DCC: variants seen among roughly 807,000 people sequenced by gnomAD.
DCC encodes the protein DCC netrin 1 receptor.
In DCC, 58 loss-of-function variants were observed where a neutral mutation model predicts 172.5. The observed-to-expected ratio is 0.34, with a 90% CI of 0.27 to 0.42. DCC has a LOEUF of 0.42. Ranked by LOEUF, DCC falls within the 10% of genes least tolerant of loss-of-function variation. The pLI, the probability that DCC is intolerant of heterozygous loss-of-function variation, is 1.00. For missense variants in DCC, 1,740 were observed against 1,791.0 expected (o/e 0.97, Z 0.51); for synonymous variants, 709 against 644.5 (o/e 1.10, Z -1.52).
At chr18:52,693,414 TATA>T (rs1424432415) in intron 1 of DCC, among the ~76,000 whole-genome samples, 2 of 147,788 alleles carry the variant, frequency 1.4e-5, no homozygotes, top group African/African-American at 2.5e-5. Flanking sequence ...ATATATTTTA[TATA>T]ATATTTACAT....
intron 1 of DCC, among the ~76,000 whole-genome samples, chr18:52,573,891 T>A (rs1232820069): frequency 1.3e-5 from 2 of 152,212 alleles, no homozygotes; most frequent in Admixed American, 6.5e-5. Context: ...CCACCTCTTA[T>A]CAGTTTTTGC....
chr18:52,861,678 T>A (rs1175699839), intron 2 of DCC, among the ~76,000 whole-genome samples: 1 of 152,186 alleles, frequency 6.6e-6, no homozygotes, highest in African/African-American at 2.4e-5. Flanking sequence ...AAAAAGCGTT[T>A]AAGTCCTATG....
chr18:52,948,869 G>C (rs565413851), intron 5 of DCC, among the ~76,000 whole-genome samples: 1 of 152,280 alleles, frequency 6.6e-6, no homozygotes, highest in East Asian at 1.9e-4. Context: ...CTAAGTCTCT[G>C]AGAGCTTAAG....
intron 26 of DCC, among the ~76,000 whole-genome samples, chr18:53,498,787 A>G (rs2144441279): frequency 1.3e-5 from 2 of 152,320 alleles, no homozygotes; most frequent in South Asian, 4.1e-4. Context: ...GTTATGGAAG[A>G]TAATGATAGT....
rs377661827 is a variant in DCC, at chr18:53,163,741, T to C, written c.1418+6229T>C. On this transcript the variant is annotated intron_variant, in intron 8 of 28. Transcript: ENST00000442544. ...CACAGTGAAGTAATTGCCTCATAGA[T>C]ATCTAGCTATCCCCTCTTAGTACCT... 9.2e-5 allele frequency among the ~76,000 whole-genome samples: 14 copies of C among 152,190 alleles called. 1 individual carries two copies. The highest frequency in any genetic ancestry group is 2.9e-4 in the African/African-American group (12 of 41,462).
intron 12 of DCC, among the ~76,000 whole-genome samples, chr18:53,245,103 C>G (rs1422811818): frequency 6.6e-6 from 1 of 152,056 alleles, no homozygotes; most frequent in Non-Finnish European, 1.5e-5. Context: ...TACCATCTTA[C>G]TATAGTCCAT....
intron 8 of DCC, among the ~76,000 whole-genome samples, chr18:53,157,809 T>G (rs1032007405): frequency 1.6e-4 from 24 of 152,224 alleles, no homozygotes; most frequent in Admixed American, 1.6e-3. Flanking sequence ...GGCTGTATAT[T>G]AGTAGAACAG....
At chr18:52,464,447 G>A (rs969879202) in intron 1 of DCC, among the ~76,000 whole-genome samples, 1 of 152,170 alleles carries the variant, frequency 6.6e-6, no homozygotes, top group Non-Finnish European at 1.5e-5. Flanking sequence ...TGTATAAAGA[G>A]CTGTGTTTTA....
chr18:52,828,125 T>A (rs1381170789), intron 2 of DCC, among the ~76,000 whole-genome samples: 1 of 152,228 alleles, frequency 6.6e-6, no homozygotes, highest in Admixed American at 6.5e-5. Context: ...ATACATTATC[T>A]GTTTTAGTAG....
intron 2 of DCC, among the ~76,000 whole-genome samples, chr18:52,779,980 T>C (rs2037504920): frequency 6.6e-6 from 1 of 152,230 alleles, no homozygotes; most frequent in Admixed American, 6.5e-5. Flanking sequence ...CATTCAATTA[T>C]AAATTTGGAA....
intron 5 of DCC, among the ~76,000 whole-genome samples, chr18:52,956,244 TATAAGG>T (rs1161833260): frequency 6.6e-6 from 1 of 151,998 alleles, no homozygotes; most frequent in Admixed American, 6.6e-5. Context: ...TTGGGAAGAG[TATAAGG>T]TCTGTGTCTA....
chr18:52,541,875 G>GTA (rs765428849), intron 1 of DCC, among the ~76,000 whole-genome samples: 4,180 of 114,998 alleles, frequency 0.036, 268 homozygotes, highest in African/African-American at 0.12. Flanking sequence ...GTGTGTGTGT[G>GTA]TATATATATA....
chr18:53,090,397 T>G (rs2042985157), intron 7 of DCC, among the ~76,000 whole-genome samples: 1 of 151,872 alleles, frequency 6.6e-6, no homozygotes, highest in Admixed American at 6.6e-5. Flanking sequence ...ACTAGCATTT[T>G]GAGGGGTGAC....
At chr18:52,719,975 TAGA>T (rs1217827174) in intron 1 of DCC, among the ~76,000 whole-genome samples, 3 of 152,092 alleles carry the variant, frequency 2.0e-5, no homozygotes, top group African/African-American at 7.2e-5. Flanking sequence ...CCCAGAAAGT[TAGA>T]AGAAGAGGAA....
intron 2 of DCC, among the ~76,000 whole-genome samples, chr18:52,761,176 G>A (rs946856391): frequency 1.8e-4 from 27 of 152,180 alleles, no homozygotes; most frequent in Non-Finnish European, 5.9e-5. Context: ...ATCTTACATG[G>A]ATGGTGGCAG....
At chr18:52,416,639 G>T (rs917083661) in intron 1 of DCC, among the ~76,000 whole-genome samples, 12 of 151,532 alleles carry the variant, frequency 7.9e-5, no homozygotes, top group East Asian at 1.9e-4. Flanking sequence ...GGCCTTCTTT[G>T]TCTCTTTTGA....
intron 5 of DCC, among the ~76,000 whole-genome samples, chr18:53,038,244 C>T (rs2042121779): frequency 6.6e-6 from 1 of 151,894 alleles, no homozygotes; most frequent in Admixed American, 6.6e-5. Flanking sequence ...TATTTGATAC[C>T]TTAGAATTCT....
At chr18:52,711,985 C>T (rs527441789) in intron 1 of DCC, among the ~76,000 whole-genome samples, 28 of 149,370 alleles carry the variant, frequency 1.9e-4, no homozygotes, top group African/African-American at 6.4e-4. Context: ...TTTTTTGAGA[C>T]GGAGTCTCAC....
intron 5 of DCC, among the ~76,000 whole-genome samples, chr18:52,985,570 C>A (rs956153170): frequency 1.3e-5 from 2 of 152,046 alleles, no homozygotes; most frequent in African/African-American, 4.8e-5. Context: ...CGCATAACAA[C>A]CACTGTATTC....
Sources: allele counts gnomAD v4.1 joint callset (sites outside exome capture counted in the v4.1 genomes callset), GRCh38; gene constraint gnomAD v4.1.1; transcripts MANE v1.5; gene names NCBI Gene and HGNC (gene_info 2026-07-23, HGNC 2026-07-21).